Variants in ST6GALNAC3 observed in about 807,000 individuals in gnomAD.
ST6GALNAC3 encodes alpha-N-acetylgalactosaminide alpha-2,6-sialyltransferase 3.
ST6GALNAC3 carries 25 observed loss-of-function variants against 32.7 expected under a neutral mutation model. The observed-to-expected ratio is 0.76, with a 90% CI of 0.56 to 1.07. ST6GALNAC3 has a LOEUF of 1.07. ST6GALNAC3 is among the 50% of genes least tolerant of loss of function. ST6GALNAC3 has a pLI of 0.00. For synonymous variants in ST6GALNAC3, 129 were observed against 133.1 expected (o/e 0.97, Z 0.21); for missense variants, 355 against 382.4 (o/e 0.93, Z 0.60).
At chr1:76,426,105 C>T (rs1455727124) in intron 3 of ST6GALNAC3, among the ~76,000 whole-genome samples, 1 of 151,734 alleles carries the variant, frequency 6.6e-6, no homozygotes, top group Admixed American at 6.6e-5. Context: ...TCAAATGTCG[C>T]CTTATAAGAG....
At chr1:76,173,526 A>G (rs2100429766) in intron 1 of ST6GALNAC3, among the ~76,000 whole-genome samples, 1 of 152,352 alleles carries the variant, frequency 6.6e-6, no homozygotes, top group Non-Finnish European at 1.5e-5. Context: ...AGCAAAAGAA[A>G]CTATTATCAG....
At chr1:76,455,316 A>G (rs544933939) in intron 3 of ST6GALNAC3, among the ~76,000 whole-genome samples, 1 of 152,086 alleles carries the variant, frequency 6.6e-6, no homozygotes, top group South Asian at 2.1e-4. Context: ...TCAATTTATG[A>G]TCATCTTCTG....
At chr1:76,342,986 A>G (rs1467024971) in intron 2 of ST6GALNAC3, among the ~76,000 whole-genome samples, 3 of 152,104 alleles carry the variant, frequency 2.0e-5, no homozygotes, top group Non-Finnish European at 2.9e-5. Flanking sequence ...CCTTTGTCAG[A>G]TGCATAGATG....
intron 1 of ST6GALNAC3, among the ~76,000 whole-genome samples, chr1:76,176,448 C>A (rs1186855425): frequency 6.6e-6 from 1 of 152,122 alleles, no homozygotes; most frequent in African/African-American, 2.4e-5. Flanking sequence ...GTAGTCATTT[C>A]CTAGATGCTT....
rs1448552268 is a variant in ST6GALNAC3 at position 76,591,237 on chromosome 1, A to G, written c.624-36215A>G. Reference sequence around the variant, plus strand: ...TGTGTGTGTAGGGGCTGGAGTGGACATTTCAGGCAAAGGGAATAGCTGGCA... The same window carrying G: ...TGTGTGTGTAGGGGCTGGAGTGGACGTTTCAGGCAAAGGGAATAGCTGGCA... On this transcript the variant is annotated intron_variant, in intron 3 of 4. Transcript: ENST00000328299. Among the ~76,000 whole-genome samples, 7 of 151,958 alleles carry G rather than the reference A, an allele frequency of 4.6e-5. No homozygotes were observed. In the South Asian group the frequency reaches 1.2e-3, roughly 27 times the overall value.
At chr1:76,295,471 G>A (rs1660346823) in intron 1 of ST6GALNAC3, among the ~76,000 whole-genome samples, 1 of 152,066 alleles carries the variant, frequency 6.6e-6, no homozygotes, top group African/African-American at 2.4e-5. Context: ...TTTCCCTAGT[G>A]ATGTAGGATG....
In ST6GALNAC3 at chr1:76,313,956, C is replaced by G; in HGVS notation, c.170C>G (p.Pro57Arg). The G allele has an allele frequency of 6.2e-7, 1 of 1,613,202 alleles. No homozygotes were observed. The highest frequency in any genetic ancestry group is 8.5e-7 in the Non-Finnish European group (1 of 1,179,532). The change falls in exon 2 of 5, where the codon CCC becomes CGC. Residue 57 changes from proline to arginine, a missense_variant. By Grantham distance (103) the Pro-to-Arg change is moderately radical. Coordinates refer to ENST00000328299, the MANE Select transcript of ST6GALNAC3 (RefSeq NM_152996.4). Reference sequence around the variant, plus strand: ...CCATTCTCCTACACATACAGGCGGCCCCTTCGAACTCACTATGGATACATA... The same window carrying G: ...CCATTCTCCTACACATACAGGCGGCGCCTTCGAACTCACTATGGATACATA... ...WIPFSYTYRR[P>R]LRTHYGYINV...
rs1571085651 is a variant in ST6GALNAC3, at chr1:76,075,263, T to A, written c.18+379T>A. 2.6e-5 allele frequency among the ~76,000 whole-genome samples: 4 copies of A among 151,796 alleles called. No individual in the cohort carries two copies. The South Asian group carries it at 8.3e-4, about 32-fold the overall frequency. On this transcript the variant is annotated intron_variant, in intron 1 of 4. Transcript: ENST00000328299. ...CGGGGAGGGGTGGAGTGGCTAGGCGTGAGTTGCTGGTGGTGAGGGGCATAG... is the reference window on the plus strand; with the variant it reads ...CGGGGAGGGGTGGAGTGGCTAGGCGAGAGTTGCTGGTGGTGAGGGGCATAG...
chr1:76,094,617 A>C (rs1039109652), intron 1 of ST6GALNAC3, among the ~76,000 whole-genome samples: 12 of 152,192 alleles, frequency 7.9e-5, no homozygotes, highest in African/African-American at 2.7e-4. Context: ...TGGCAATTTT[A>C]TACTGATTCC....
intron 3 of ST6GALNAC3, among the ~76,000 whole-genome samples, chr1:76,495,012 A>G (rs754905453): frequency 2.6e-5 from 4 of 152,136 alleles, no homozygotes; most frequent in Non-Finnish European, 5.9e-5. Context: ...ACTCATGAGA[A>G]GGTCAGTCTT....
Position 76,381,176 on chromosome 1 carries a change from A to G in ST6GALNAC3, c.214-30832A>G, listed in dbSNP as rs1004372496. Among the ~76,000 whole-genome samples the G allele has an allele frequency of 2.5e-3, 352 of 139,446 alleles. 1 individual carries two copies. Among genetic ancestry groups the G allele is most frequent in the African/African-American group, 8.4e-3 (332 of 39,616 alleles). The allele number at this position is 139,446 out of a possible 152,430, so 91.5% of individuals were successfully genotyped here. On this transcript the variant is annotated intron_variant, in intron 2 of 4. Transcript: ENST00000328299. ...AAAATAGTTTGGGCTGCTAAAAAAAAAAAAAAAAAAGAAAAAAAAAAAGAC... is the reference window on the plus strand; with the variant it reads ...AAAATAGTTTGGGCTGCTAAAAAAAGAAAAAAAAAAGAAAAAAAAAAAGAC...
chr1:76,170,224 G>A (rs888173064), intron 1 of ST6GALNAC3, among the ~76,000 whole-genome samples: 6 of 152,216 alleles, frequency 3.9e-5, no homozygotes, highest in Non-Finnish European at 7.3e-5. Context: ...GAAGGGGCCT[G>A]AGGTGTGGCA....
At chr1:76,321,912 AGATT>A (rs545664840) in intron 2 of ST6GALNAC3, among the ~76,000 whole-genome samples, 111 of 152,316 alleles carry the variant, frequency 7.3e-4, no homozygotes, top group African/African-American at 2.2e-3. Flanking sequence ...CAGTCAAACT[AGATT>A]GATTTTCACT....
chr1:76,522,232 T>C, intron 3 of ST6GALNAC3, among the ~76,000 whole-genome samples: 1 of 152,298 alleles, frequency 6.6e-6, no homozygotes, highest in African/African-American at 2.4e-5. Context: ...TACTTCTGTA[T>C]TTTTTAAAAA....
intron 3 of ST6GALNAC3, among the ~76,000 whole-genome samples, chr1:76,522,085 TAA>T (rs55954462): frequency 0.52 from 73,717 of 140,680 alleles, 20,002 homozygotes; most frequent in South Asian, 0.66. Context: ...ACTCCATTTC[TAA>T]AAAAAAAAAA....
At chr1:76,223,949 A>G (rs1655923783) in intron 1 of ST6GALNAC3, among the ~76,000 whole-genome samples, 1 of 152,208 alleles carries the variant, frequency 6.6e-6, no homozygotes, top group African/African-American at 2.4e-5. Context: ...GAGGATCCAG[A>G]GTTTGAGTCA....
intron 2 of ST6GALNAC3, among the ~76,000 whole-genome samples, chr1:76,340,456 C>T (rs771085687): frequency 3.9e-5 from 6 of 152,058 alleles, no homozygotes; most frequent in African/African-American, 7.2e-5. Context: ...CCAGAGCAGT[C>T]GGCTTTTCTG....
At chr1:76,503,982 A>G (rs914643712) in intron 3 of ST6GALNAC3, among the ~76,000 whole-genome samples, 2 of 152,186 alleles carry the variant, frequency 1.3e-5, no homozygotes, top group African/African-American at 2.4e-5. Context: ...TTTTATCTCT[A>G]TATGGCAAGT....
intron 3 of ST6GALNAC3, among the ~76,000 whole-genome samples, chr1:76,620,066 C>T (rs1648539719): frequency 6.6e-6 from 1 of 152,082 alleles, no homozygotes. Flanking sequence ...TCTGAGTTAA[C>T]CCTGAGTTGA....
Sources: gnomAD v4.1 joint callset for allele counts (sites outside exome capture counted in the v4.1 genomes callset) on GRCh38, gnomAD v4.1.1 for gene constraint, MANE v1.5 for transcripts, NCBI Gene and HGNC (gene_info 2026-07-23, HGNC 2026-07-21) for gene names.